The following SOX5 variants were observed in gnomAD, a reference collection of about 807,000 sequenced individuals.
The protein encoded by SOX5 is SRY-box transcription factor 5.
SOX5 carries 9 observed loss-of-function variants against 92.0 expected under a neutral mutation model. That is an observed-to-expected ratio of 0.10 (90% CI 0.06 to 0.17). The LOEUF (loss-of-function observed/expected upper bound fraction) is 0.17. Among genes scored for constraint, SOX5 ranks in the 10% least tolerant of loss-of-function variants. The pLI, the probability that SOX5 is intolerant of heterozygous loss-of-function variation, is 1.00. For missense variants in SOX5, 642 were observed against 944.5 expected (o/e 0.68, Z 4.20); for synonymous variants, 344 against 336.3 (o/e 1.02, Z -0.25).
At chr12:24,169,846 C>G (rs17495224) in intron 4 of SOX5, among the ~76,000 whole-genome samples, 6,634 of 152,246 alleles carry the variant, frequency 0.044, 191 homozygotes, top group Middle Eastern at 0.075. Context: ...TCTGACTGAT[C>G]TAAGCTATGT....
chr12:23,587,257 A>G (rs1950884641), intron 9 of SOX5, among the ~76,000 whole-genome samples: 3 of 152,056 alleles, frequency 2.0e-5, no homozygotes. Flanking sequence ...ACATCTCCAT[A>G]TATTTTATTT....
intron 6 of SOX5, among the ~76,000 whole-genome samples, chr12:23,667,212 T>C (rs1166492753): frequency 6.6e-6 from 1 of 152,172 alleles, no homozygotes; most frequent in African/African-American, 2.4e-5. Flanking sequence ...CAAAGCATTA[T>C]ATAGGGAAAG....
At chr12:24,301,472 C>T (rs1947940654) in intron 2 of SOX5, among the ~76,000 whole-genome samples, 2 of 151,980 alleles carry the variant, frequency 1.3e-5, no homozygotes, top group Non-Finnish European at 2.9e-5. Flanking sequence ...ATTATGATAA[C>T]CATGAATTAT....
intron 13 of SOX5, among the ~76,000 whole-genome samples, chr12:23,540,743 T>G (rs919496946): frequency 2.0e-5 from 3 of 152,212 alleles, no homozygotes; most frequent in Admixed American, 1.3e-4. Flanking sequence ...GATTTTAGGG[T>G]ATTATAAAAT....
At chr12:24,079,613 T>C (rs1313243892) in intron 4 of SOX5, among the ~76,000 whole-genome samples, 1 of 151,958 alleles carries the variant, frequency 6.6e-6, no homozygotes, top group Non-Finnish European at 1.5e-5. Context: ...TTGAAACCAC[T>C]GATTAAAAAA....
chr12:24,195,823 C>T (rs1956957277), intron 4 of SOX5, among the ~76,000 whole-genome samples: 1 of 152,116 alleles, frequency 6.6e-6, no homozygotes, highest in South Asian at 2.1e-4. Context: ...CAACTTAATA[C>T]TCTTAAGAAA....
intron 2 of SOX5, among the ~76,000 whole-genome samples, chr12:23,868,455 GTCATTTC>G (rs1272365041): frequency 2.6e-5 from 4 of 152,070 alleles, no homozygotes; most frequent in Non-Finnish European, 4.4e-5. Context: ...GGTACTCATT[GTCATTTC>G]TCATACTCTT....
At chr12:24,516,336 T>C (rs1949785664) in intron 1 of SOX5, among the ~76,000 whole-genome samples, 1 of 152,134 alleles carries the variant, frequency 6.6e-6, no homozygotes, top group Non-Finnish European at 1.5e-5. Context: ...GTGTGAGCCA[T>C]TGCACCCAGC....
At chr12:24,030,510 A>C (rs2136840150) in intron 4 of SOX5, among the ~76,000 whole-genome samples, 1 of 152,096 alleles carries the variant, frequency 6.6e-6, no homozygotes, top group East Asian at 1.9e-4. Context: ...GAAGGAAATT[A>C]GATCCTTATC....
At chr12:24,308,402 T>A (rs191569451) in intron 2 of SOX5, among the ~76,000 whole-genome samples, 154 of 152,360 alleles carry the variant, frequency 1.0e-3, no homozygotes, top group Admixed American at 1.7e-3. Context: ...GTACTTTACT[T>A]TGTTTCATTC....
chr12:23,669,547 GAA>G (rs1190907162), intron 6 of SOX5, among the ~76,000 whole-genome samples: 1 of 151,714 alleles, frequency 6.6e-6, no homozygotes, highest in Non-Finnish European at 1.5e-5. Context: ...GGTGGATATG[GAA>G]AAAGACTGGA....
At chr12:24,402,340 C>T (rs1356954952) in intron 1 of SOX5, among the ~76,000 whole-genome samples, 1 of 152,144 alleles carries the variant, frequency 6.6e-6, no homozygotes, top group African/African-American at 2.4e-5. Flanking sequence ...TAAAGATGTT[C>T]CATAAAATGT....
intron 3 of SOX5, chr12:24,227,306 G>C (rs548439330): frequency 6.6e-6 from 1 of 152,232 alleles, no homozygotes; most frequent in Non-Finnish European, 1.5e-5. Context: ...AGGAAGGGAA[G>C]AGGAGAGAAA....
intron 4 of SOX5, among the ~76,000 whole-genome samples, chr12:24,138,667 T>C (rs577359617): frequency 6.6e-6 from 1 of 152,352 alleles, no homozygotes; most frequent in Admixed American, 6.5e-5. Context: ...TAAGCATATT[T>C]ATTCTTAAAA....
At chr12:23,827,184 C>G (rs1253227249) in intron 3 of SOX5, among the ~76,000 whole-genome samples, 1 of 152,194 alleles carries the variant, frequency 6.6e-6, no homozygotes, top group Non-Finnish European at 1.5e-5. Context: ...ATCTCGTTAT[C>G]TGCTTCTAAT....
At chr12:24,458,147 C>T (rs970891181) in intron 1 of SOX5, among the ~76,000 whole-genome samples, 4 of 152,026 alleles carry the variant, frequency 2.6e-5, no homozygotes, top group South Asian at 2.1e-4. Context: ...TGGGATGGCG[C>T]CTCAGTGTCT....
chr12:24,432,286 A>G (rs1030493051), intron 1 of SOX5, among the ~76,000 whole-genome samples: 8 of 152,316 alleles, frequency 5.3e-5, no homozygotes, highest in African/African-American at 1.9e-4. Flanking sequence ...TTGTCCATTA[A>G]AGATGGATAC....
chr12:23,779,814 T>TATATACACACACACAC (rs777013504), intron 3 of SOX5, among the ~76,000 whole-genome samples: 11 of 110,812 alleles, frequency 9.9e-5, no homozygotes, highest in Non-Finnish European at 1.8e-4. Context: ...TATATATATA[T>TATATACACACACACAC]ACACACACAC....
intron 4 of SOX5, among the ~76,000 whole-genome samples, chr12:24,021,550 T>G (rs1954295746): frequency 6.6e-6 from 1 of 152,182 alleles, no homozygotes; most frequent in Non-Finnish European, 1.5e-5. Context: ...CAAGACCCAG[T>G]GTTCCTCAAA....
Sources: allele counts gnomAD v4.1 joint callset (sites outside exome capture counted in the v4.1 genomes callset), GRCh38; gene constraint gnomAD v4.1.1; transcripts MANE v1.5; gene names NCBI Gene and HGNC (gene_info 2026-07-23, HGNC 2026-07-21).